The following FBXO11 variants were observed in gnomAD, a reference collection of about 807,000 sequenced individuals.
The protein encoded by FBXO11 is F-box only protein 11.
Under a neutral mutation model 117.0 loss-of-function variants are expected in FBXO11, and 13 were observed. The observed-to-expected ratio is 0.11, with a 90% confidence interval of 0.07 to 0.18. The LOEUF is 0.18. Among genes scored for constraint, FBXO11 ranks in the 10% least tolerant of loss-of-function variants. The pLI, the probability that FBXO11 is intolerant of heterozygous loss-of-function variation, is 1.00. For synonymous variants in FBXO11, 490 were observed against 380.5 expected (o/e 1.29, Z -3.35); for missense variants, 767 against 1,164.4 (o/e 0.66, Z 4.97).
At chr2:47,901,006 G>T (rs1486021976) in intron 1 of FBXO11, among the ~76,000 whole-genome samples, 1 of 133,460 alleles carries the variant, frequency 7.5e-6, no homozygotes, top group Admixed American at 7.3e-5. Flanking sequence ...CCGGTGGGGA[G>T]ATATATATAT....
At chr2:47,902,926 A>C (rs1211667874) in intron 1 of FBXO11, among the ~76,000 whole-genome samples, 2 of 151,938 alleles carry the variant, frequency 1.3e-5, no homozygotes, top group Non-Finnish European at 2.9e-5. Context: ...GGTTAAAAAA[A>C]AAAAAACAAA....
At chr2:47,822,905 A>T (rs746258568) in intron 12 of FBXO11, among the ~76,000 whole-genome samples, 4 of 152,218 alleles carry the variant, frequency 2.6e-5, no homozygotes, top group Non-Finnish European at 5.9e-5. Context: ...CAGCATTTGC[A>T]ATTTTTCATA....
At chr2:47,899,198 C>T (rs777505061) in intron 1 of FBXO11, among the ~76,000 whole-genome samples, 10 of 146,270 alleles carry the variant, frequency 6.8e-5, no homozygotes, top group South Asian at 6.4e-4. Context: ...GGTGTGAACC[C>T]GGGAGGCGGA....
chr2:47,905,422 GCCCGC>G, intron 1 of FBXO11, 62 bp downstream of exon 1: 3 of 1,094,062 alleles, frequency 2.7e-6, no homozygotes, highest in Non-Finnish European at 3.4e-6. Flanking sequence ...CCGCCCGCCC[GCCCGC>G]CCCGGCCTCC....
At chr2:47,900,116 C>G (rs74646951) in intron 1 of FBXO11, among the ~76,000 whole-genome samples, 5 of 151,918 alleles carry the variant, frequency 3.3e-5, no homozygotes, top group African/African-American at 9.7e-5. Context: ...AGCTCTTAGG[C>G]CTTATCAGCA....
At chr2:47,892,254 T>G (rs1302658995) in intron 1 of FBXO11, among the ~76,000 whole-genome samples, 1 of 152,218 alleles carries the variant, frequency 6.6e-6, no homozygotes, top group Non-Finnish European at 1.5e-5. Context: ...AGCAAAGATA[T>G]GTAAAAGAAT....
At chr2:47,850,684 A>G (rs983135554) in intron 1 of FBXO11, among the ~76,000 whole-genome samples, 3 of 152,242 alleles carry the variant, frequency 2.0e-5, no homozygotes, top group South Asian at 2.1e-4. Flanking sequence ...ACCAAAGTTC[A>G]TAACTTTAGT....
intron 1 of FBXO11, among the ~76,000 whole-genome samples, chr2:47,895,473 G>C (rs936623186): frequency 5.3e-5 from 8 of 152,134 alleles, no homozygotes; most frequent in African/African-American, 1.9e-4. Flanking sequence ...CAAGCAATCA[G>C]AAAGATGGGG....
At chr2:47,895,881 G>C (rs1324814380) in intron 1 of FBXO11, among the ~76,000 whole-genome samples, 1 of 152,074 alleles carries the variant, frequency 6.6e-6, no homozygotes, top group Non-Finnish European at 1.5e-5. Flanking sequence ...ATTTTTAGTA[G>C]AGACAGGGTT....
intron 1 of FBXO11, among the ~76,000 whole-genome samples, chr2:47,846,846 C>T (rs192847741): frequency 2.6e-5 from 4 of 152,238 alleles, no homozygotes; most frequent in Middle Eastern, 6.8e-3. Flanking sequence ...TGCCTCTATT[C>T]AGACTAGGCA....
At chr2:47,889,069 G>T (rs570870816) in intron 1 of FBXO11, among the ~76,000 whole-genome samples, 8 of 152,250 alleles carry the variant, frequency 5.3e-5, no homozygotes, top group African/African-American at 9.6e-5. Context: ...TGTGCAAATG[G>T]CTAGCAGTAC....
At chr2:47,850,746 C>T (rs933742938) in intron 1 of FBXO11, among the ~76,000 whole-genome samples, 3 of 152,132 alleles carry the variant, frequency 2.0e-5, no homozygotes, top group African/African-American at 7.2e-5. Context: ...GGATTAAAGT[C>T]TCTTGAGAAT....
At chr2:47,820,120 CTTA>C in intron 14 of FBXO11, among the ~76,000 whole-genome samples, 1 of 152,278 alleles carries the variant, frequency 6.6e-6, no homozygotes, top group Non-Finnish European at 1.5e-5. Flanking sequence ...AGGTGTTTCT[CTTA>C]TGGCTAAATT....
intron 1 of FBXO11, among the ~76,000 whole-genome samples, chr2:47,886,845 G>A (rs780017778): frequency 6.6e-6 from 1 of 152,074 alleles, no homozygotes; most frequent in Non-Finnish European, 1.5e-5. Context: ...AAAAGCCTGT[G>A]CAACACAATG....
At chr2:47,879,120 G>C (rs986719731) in intron 1 of FBXO11, among the ~76,000 whole-genome samples, 4 of 152,076 alleles carry the variant, frequency 2.6e-5, no homozygotes, top group African/African-American at 9.7e-5. Flanking sequence ...TGCAGCCCCA[G>C]AATTTTGCCT....
chr2:47,841,717 T>C (rs1242210653), intron 1 of FBXO11, among the ~76,000 whole-genome samples: 1 of 152,152 alleles, frequency 6.6e-6, no homozygotes, highest in Non-Finnish European at 1.5e-5. Context: ...CTCAGCTCAC[T>C]GCAACCTCCA....
At chr2:47,863,309 T>C (rs984613833) in intron 1 of FBXO11, among the ~76,000 whole-genome samples, 1 of 152,190 alleles carries the variant, frequency 6.6e-6, no homozygotes, top group Admixed American at 6.5e-5. Flanking sequence ...CACTAGTTGA[T>C]TTTATAAAAG....
chr2:47,824,700 G>C (rs1671620617), intron 11 of FBXO11, among the ~76,000 whole-genome samples: 1 of 152,082 alleles, frequency 6.6e-6, no homozygotes, highest in African/African-American at 2.4e-5. Context: ...TTGAAGGATG[G>C]AACAAAAACG....
At chr2:47,856,787 T>C (rs968404237) in intron 1 of FBXO11, among the ~76,000 whole-genome samples, 2 of 152,240 alleles carry the variant, frequency 1.3e-5, no homozygotes, top group African/African-American at 4.8e-5. Context: ...ATAATTATAT[T>C]ATCAACTGTG....
Sources: allele counts gnomAD v4.1 joint callset (sites outside exome capture counted in the v4.1 genomes callset), GRCh38; gene constraint gnomAD v4.1.1; transcripts MANE v1.5; gene names NCBI Gene and HGNC (gene_info 2026-07-23, HGNC 2026-07-21).